The following FRK variants were observed in gnomAD, a reference collection of about 807,000 sequenced individuals.
FRK encodes the protein fyn related Src family tyrosine kinase, also known as tyrosine-protein kinase FRK.
Under a neutral mutation model 56.4 loss-of-function variants are expected in FRK, and 51 were observed. The ratio of observed to expected loss-of-function variants is 0.90; its 90% CI spans 0.72 to 1.14. The LOEUF is 1.14. FRK is among the 50% of genes most tolerant of loss of function. The pLI is 0.00. For synonymous variants in FRK, 245 were observed against 217.9 expected, an observed-to-expected ratio of 1.12 and a Z score of -1.10; for missense variants, 570 against 601.4, an observed-to-expected ratio of 0.95 and a Z score of 0.55.
upstream of FRK, among the ~76,000 whole-genome samples, chr6:116,062,220 A>G (rs1286884084): frequency 6.6e-6 from 1 of 152,108 alleles, no homozygotes; most frequent in African/African-American, 2.4e-5. Context: ...AAAAGCCAAA[A>G]GCTGAGCCAA....
At chr6:115,960,459 G>C (rs78414274) in intron 4 of FRK, among the ~76,000 whole-genome samples, 6,849 of 150,344 alleles carry the variant, frequency 0.046, 229 homozygotes, top group Non-Finnish European at 0.068. Flanking sequence ...GCGGCAGCGA[G>C]GCTGGGGGAA....
At chr6:115,949,843 A>C (rs142331756) in intron 5 of FRK, among the ~76,000 whole-genome samples, 204 of 151,626 alleles carry the variant, frequency 1.3e-3, no homozygotes, top group African/African-American at 4.8e-3. Context: ...TATCTAGACC[A>C]ACGGAACAGA....
chr6:115,949,712 C>A (rs568453808), intron 5 of FRK, among the ~76,000 whole-genome samples: 2 of 152,094 alleles, frequency 1.3e-5, no homozygotes, highest in African/African-American at 2.4e-5. Context: ...AAAAAAGAGC[C>A]CGTATAGCCA....
intron 2 of FRK, among the ~76,000 whole-genome samples, chr6:115,998,955 C>T (rs1445610683): frequency 2.0e-5 from 3 of 152,266 alleles, no homozygotes; most frequent in South Asian, 2.1e-4. Flanking sequence ...TAGGCTTTTA[C>T]GTGCAGAGTT....
chr6:116,057,115 C>T (rs967532588), intron 1 of FRK, among the ~76,000 whole-genome samples: 6 of 152,200 alleles, frequency 3.9e-5, no homozygotes, highest in African/African-American at 1.4e-4. Context: ...AACACAAATA[C>T]TAACATACGT....
At position 116,006,543 on chromosome 6, in the gene FRK, T is replaced by A. The variant is rs768789686; in HGVS notation, c.345-2545A>T. 8.4e-4 allele frequency among the ~76,000 whole-genome samples: 128 copies of A among 152,318 alleles called. 2 individuals carry two copies. The highest frequency in any genetic ancestry group is 3.4e-3 in the Middle Eastern group (1 of 294). Reference sequence around the variant, plus strand: ...TACATGCTGTATGAGCTCAAGAAGATACACTACAAGAACATCCACTAAAGA... The same window carrying A: ...TACATGCTGTATGAGCTCAAGAAGAAACACTACAAGAACATCCACTAAAGA... On this transcript the variant is annotated intron_variant, in intron 1 of 7. Transcript: ENST00000606080.
At chr6:116,068,289 T>C in the FRK span, among the ~76,000 whole-genome samples, 1 of 152,116 alleles carries the variant, frequency 6.6e-6, no homozygotes, top group Admixed American at 6.5e-5. Context: ...GGCCAAAGAG[T>C]ATAATCCTCA....
chr6:115,973,451 G>A (rs899658824), intron 2 of FRK, among the ~76,000 whole-genome samples: 3 of 152,204 alleles, frequency 2.0e-5, no homozygotes, highest in East Asian at 1.9e-4. Flanking sequence ...GAGAAATACC[G>A]AATGTAGATG....
chr6:115,940,997 G>T lies in FRK; in HGVS notation c.*1417C>A, dbSNP rs576131034. ...CATTTGACTCAGCGATCCCATTACT[G>T]GGTATGTACCTAAAGGCTTATAAAT... On this transcript the variant is annotated 3_prime_UTR_variant, in exon 8 of 8. Coordinates refer to ENST00000606080, the MANE Select transcript of FRK (RefSeq NM_002031.3). 6.6e-6 allele frequency: 1 copy of T among 152,314 alleles called. No individual in the cohort carries two copies. The highest frequency in any genetic ancestry group is 2.4e-5 in the African/African-American group (1 of 41,574). The allele number at this position is 152,314 out of a possible 1,614,324, so 9.4% of individuals were successfully genotyped here. A position where few individuals can be genotyped will look rare whatever the true frequency, so the allele number is the denominator to read the frequency against.
chr6:116,092,506 G>A, the FRK span, among the ~76,000 whole-genome samples: 16 of 151,928 alleles, frequency 1.1e-4, no homozygotes, highest in South Asian at 4.2e-4. Context: ...AATTTTTCTC[G>A]GTCCTCTTTG....
Position 115,968,567 on chromosome 6 carries a change from C to T in FRK, c.630+9G>A. 6.2e-7 allele frequency: 1 copy of T among 1,604,122 alleles called. No individual in the cohort carries two copies. The highest frequency in any genetic ancestry group is 2.2e-5 in the East Asian group (1 of 44,720). ...TCAATAAAAAAACACAGCTTGAAAG[C>T]ATTTTCACCTTTAAGCATGGTTTCC... On this transcript the variant is annotated intron_variant, in intron 3 of 7. Coordinates refer to ENST00000606080, the MANE Select transcript of FRK (RefSeq NM_002031.3).
chr6:115,956,736 TC>T lies in FRK; in HGVS notation c.800-127del, dbSNP rs1455197770. ...AGAGTAAGAGCCTCAGTATCACAAA[TC>T]TTCAGAGTTATCAAAAAGAGAATCA... On this transcript the variant is annotated intron_variant, in intron 4 of 7. Transcript: ENST00000606080. The T allele has an allele frequency of 7.5e-6, 5 of 669,520 alleles. No homozygotes were observed. In the African/African-American group the frequency reaches 9.1e-5, roughly 12 times the overall value. The allele number at this position is 669,520 out of a possible 1,614,324, so 41.5% of individuals were successfully genotyped here. A position where few individuals can be genotyped will look rare whatever the true frequency, so the allele number is the denominator to read the frequency against.
At chr6:116,094,394 T>C in the FRK span, among the ~76,000 whole-genome samples, 1 of 152,220 alleles carries the variant, frequency 6.6e-6, no homozygotes. Flanking sequence ...CAGTGTCCTG[T>C]CCCGGACAGC....
intron 1 of FRK, among the ~76,000 whole-genome samples, chr6:116,042,130 AG>A (rs1299225011): frequency 6.6e-6 from 1 of 152,216 alleles, no homozygotes; most frequent in Non-Finnish European, 1.5e-5. Flanking sequence ...CAAAGCCACC[AG>A]GAAGTTCGAA....
chr6:115,998,305 A>G (rs1045662333), intron 2 of FRK, among the ~76,000 whole-genome samples: 7 of 152,188 alleles, frequency 4.6e-5, no homozygotes, highest in Non-Finnish European at 8.8e-5. Context: ...CATCTAACAG[A>G]CAGATTACAC....
chr6:115,959,484 G>A (rs1006374963), intron 4 of FRK, among the ~76,000 whole-genome samples: 2 of 152,122 alleles, frequency 1.3e-5, no homozygotes, highest in African/African-American at 4.8e-5. Flanking sequence ...GGGTTTAAAA[G>A]CATATACACA....
At chr6:115,946,069 A>G (rs919270816) in intron 5 of FRK, among the ~76,000 whole-genome samples, 1 of 152,146 alleles carries the variant, frequency 6.6e-6, no homozygotes, top group Non-Finnish European at 1.5e-5. Context: ...AGATGTTTTT[A>G]GATGTCTGGA....
rs1856360 is a variant in FRK at position 115,933,878 on chromosome 6, T to C, written c.*8536A>G. Reference sequence around the variant, plus strand: ...CTAATTTGAAAGATTAGTGTTGATCTTATCTTAGAAATACTGTTTATAAAG... The same window carrying C: ...CTAATTTGAAAGATTAGTGTTGATCCTATCTTAGAAATACTGTTTATAAAG... On this transcript the variant is annotated 3_prime_UTR_variant, in exon 8 of 8. Transcript: ENST00000606080. 0.041 allele frequency: 6,196 copies of C among 152,254 alleles called. 339 individuals are homozygous for C. Among genetic ancestry groups the C allele is most frequent in the Admixed American group, 0.15 (2,288 of 15,280 alleles). 9.4% of individuals were successfully genotyped at this position (152,254 alleles called of 1,614,324 possible).
At chr6:116,065,295 A>C (rs1777740481), upstream of FRK, among the ~76,000 whole-genome samples, 1 of 152,242 alleles carries the variant, frequency 6.6e-6, no homozygotes. Context: ...GCTATCATAA[A>C]GGAAAATTGG....
Sources: gnomAD v4.1 joint callset for allele counts (sites outside exome capture counted in the v4.1 genomes callset) on GRCh38, gnomAD v4.1.1 for gene constraint, MANE v1.5 for transcripts, NCBI Gene and HGNC (gene_info 2026-07-23, HGNC 2026-07-21) for gene names.